Variants in SUMF1 observed in about 807,000 individuals in gnomAD.
SUMF1 encodes the protein formylglycine-generating enzyme.
Under a neutral mutation model 47.6 loss-of-function variants are expected in SUMF1, and 48 were observed. That is an observed-to-expected ratio of 1.01 (90% confidence interval 0.80 to 1.28). The LOEUF is 1.28. Ranked by LOEUF, SUMF1 falls within the 50% of genes most tolerant of loss-of-function variation. SUMF1 has a pLI of 0.00. For synonymous variants in SUMF1, 230 were observed against 192.1 expected (o/e 1.20, Z -1.63); for missense variants, 571 against 485.4 (o/e 1.18, Z -1.66).
chr3:4,036,928 G>A (rs80274239), intron 9 of SUMF1, among the ~76,000 whole-genome samples: 1 of 150,550 alleles, frequency 6.6e-6, no homozygotes, highest in South Asian at 2.1e-4. Flanking sequence ...GAGATACTGA[G>A]GGAACCAACA....
intron 8 of SUMF1, among the ~76,000 whole-genome samples, chr3:4,135,347 A>G (rs1397089481): frequency 6.6e-6 from 1 of 152,174 alleles, no homozygotes; most frequent in African/African-American, 2.4e-5. Context: ...GTAATCCAGC[A>G]TATAAACAGA....
chr3:4,271,435 A>T (rs980871002), intron 8 of SUMF1, among the ~76,000 whole-genome samples: 2 of 151,882 alleles, frequency 1.3e-5, no homozygotes, highest in African/African-American at 4.8e-5. Flanking sequence ...AATGTTTAAA[A>T]ATCTACTCTA....
rs973101109 is a variant in SUMF1 at position 4,283,489 on chromosome 3, AC to A, written c.1014+92840del. Among the ~76,000 whole-genome samples, 12 of 132,706 alleles carry A rather than the reference AC, an allele frequency of 9.0e-5. 2 individuals are homozygous for A. The highest frequency in any genetic ancestry group is 7.5e-5 in the Admixed American group (1 of 13,356). 87.1% of individuals were successfully genotyped at this position (132,706 alleles called of 152,430 possible). ...CTTGGTTAAAGCTTTGACTCCAGGA[AC>A]CCTTTGTTAAAATTCAAATAAGAGC... On this transcript the variant is annotated intron_variant and NMD_transcript_variant, in intron 8 of 12. Coordinates refer to the SUMF1 transcript ENST00000448413.
chr3:4,335,967 A>AACAAAAAAAACAAAC (rs1373735525), intron 8 of SUMF1, among the ~76,000 whole-genome samples: 2 of 143,998 alleles, frequency 1.4e-5, no homozygotes, highest in African/African-American at 5.4e-5. Context: ...ACTCAAAAAA[A>AACAAAAAAAACAAAC]AAAAAAAAAA....
intron 8 of SUMF1, among the ~76,000 whole-genome samples, chr3:4,086,902 T>C (rs1692683986): frequency 6.6e-6 from 1 of 152,100 alleles, no homozygotes; most frequent in Admixed American, 6.6e-5. Flanking sequence ...CCTTCCACCA[T>C]GATTATGAGG....
chr3:4,249,337 T>C (rs1237127046), intron 8 of SUMF1, among the ~76,000 whole-genome samples: 1 of 152,236 alleles, frequency 6.6e-6, no homozygotes, highest in Non-Finnish European at 1.5e-5. Flanking sequence ...ATTGAAAGTT[T>C]ATAGCAACTC....
chr3:4,087,134 G>C (rs1403003620), intron 8 of SUMF1, among the ~76,000 whole-genome samples: 1 of 152,110 alleles, frequency 6.6e-6, no homozygotes, highest in Non-Finnish European at 1.5e-5. Context: ...AGCAACTTTG[G>C]AGCGAATGGC....
At chr3:4,180,315 C>A (rs1405964176) in intron 8 of SUMF1, among the ~76,000 whole-genome samples, 2 of 152,132 alleles carry the variant, frequency 1.3e-5, no homozygotes, top group Non-Finnish European at 2.9e-5. Context: ...CAATGATAGA[C>A]TGGATTAAGA....
At chr3:4,131,651 T>C (rs1052268727) in intron 8 of SUMF1, among the ~76,000 whole-genome samples, 2 of 152,134 alleles carry the variant, frequency 1.3e-5, no homozygotes, top group Non-Finnish European at 2.9e-5. Context: ...GTCAGGGACT[T>C]GGAAGAAACA....
At chr3:4,042,710 T>C (rs1317644233) in intron 9 of SUMF1, among the ~76,000 whole-genome samples, 1 of 152,146 alleles carries the variant, frequency 6.6e-6, no homozygotes, top group Non-Finnish European at 1.5e-5. Context: ...TATTCCCAAA[T>C]AAATATTTTT....
intron 8 of SUMF1, among the ~76,000 whole-genome samples, chr3:4,268,042 A>T (rs986851861): frequency 3.9e-5 from 6 of 152,210 alleles, no homozygotes; most frequent in Non-Finnish European, 8.8e-5. Flanking sequence ...TACAACATGG[A>T]ATACTATGCA....
chr3:4,102,853 G>GATT (rs1693067047), intron 8 of SUMF1, among the ~76,000 whole-genome samples: 1 of 151,574 alleles, frequency 6.6e-6, no homozygotes, highest in Non-Finnish European at 1.5e-5. Flanking sequence ...GAAGAGGAAA[G>GATT]ACAGGGAGAA....
chr3:4,072,216 G>C (rs981151072), intron 8 of SUMF1, among the ~76,000 whole-genome samples: 1 of 152,134 alleles, frequency 6.6e-6, no homozygotes, highest in African/African-American at 2.4e-5. Context: ...ACTGTCAGAA[G>C]GAAAACTAAC....
Position 4,449,265 on chromosome 3 carries a change from C to T in SUMF1, c.519+1G>A, listed in dbSNP as rs1702886713. ...CAGGAGCCTGTTGAAACATTACTTACTGCCTGTTGAATATTGGTCTTCACT... is the reference window on the plus strand; with the variant it reads ...CAGGAGCCTGTTGAAACATTACTTATTGCCTGTTGAATATTGGTCTTCACT... On this transcript the variant is annotated splice_donor_variant, in intron 3 of 8. Coordinates refer to ENST00000272902, the MANE Select transcript of SUMF1 (RefSeq NM_182760.4). LOFTEE classifies it high-confidence loss of function. 2 of 1,614,012 alleles carry T rather than the reference C, an allele frequency of 1.2e-6. No individual in the cohort carries two copies. The highest frequency in any genetic ancestry group is 1.7e-6 in the Non-Finnish European group (2 of 1,179,978).
intron 8 of SUMF1, among the ~76,000 whole-genome samples, chr3:4,093,574 C>G (rs1692836034): frequency 6.6e-6 from 1 of 151,916 alleles, no homozygotes; most frequent in Non-Finnish European, 1.5e-5. Context: ...AAAAAGTTTT[C>G]TAGATAGAAT....
intron 1 of SUMF1, among the ~76,000 whole-genome samples, chr3:4,456,648 A>G (rs1233546465): frequency 1.4e-5 from 2 of 143,588 alleles, no homozygotes; most frequent in African/African-American, 2.6e-5. Context: ...GTATATATAT[A>G]TATGTGTGTG....
intron 9 of SUMF1, among the ~76,000 whole-genome samples, chr3:4,053,297 G>A (rs1695144302): frequency 6.6e-6 from 1 of 151,984 alleles, no homozygotes; most frequent in African/African-American, 2.4e-5. Flanking sequence ...CATGGTTCGT[G>A]GCACCCCAAA....
chr3:4,389,395 CT>C (rs113466043), intron 7 of SUMF1, among the ~76,000 whole-genome samples: 23,862 of 146,646 alleles, frequency 0.16, 2,003 homozygotes, highest in Middle Eastern at 0.25. Flanking sequence ...AAAGTTTTGT[CT>C]TTAGTGTTCA....
At chr3:4,260,553 G>A (rs75118083) in intron 8 of SUMF1, among the ~76,000 whole-genome samples, 1,924 of 152,218 alleles carry the variant, frequency 0.013, 29 homozygotes, top group Non-Finnish European at 0.021. Flanking sequence ...TGGGCATAAC[G>A]TAGATCATTG....
Sources: allele counts gnomAD v4.1 joint callset (sites outside exome capture counted in the v4.1 genomes callset), GRCh38; gene constraint gnomAD v4.1.1; transcripts MANE v1.5; gene names NCBI Gene and HGNC (gene_info 2026-07-23, HGNC 2026-07-21).